LRRC17: variants seen among roughly 807,000 people sequenced by gnomAD.
The protein encoded by LRRC17 is leucine-rich repeat-containing protein 17.
In LRRC17, 33 loss-of-function variants were observed where a neutral mutation model predicts 41.5. That is an observed-to-expected ratio of 0.80 (90% CI 0.60 to 1.06). The LOEUF (loss-of-function observed/expected upper bound fraction) is 1.06, where lower values mean the gene tolerates loss of function less well. LRRC17 is among the 50% of genes least tolerant of loss of function. LRRC17 has a pLI of 0.00. For missense variants in LRRC17, 491 were observed against 519.3 expected, an observed-to-expected ratio of 0.95 and a Z score of 0.53; for synonymous variants, 192 against 197.0, an observed-to-expected ratio of 0.97 and a Z score of 0.21.
Position 102,944,877 on chromosome 7 carries a change from A to T in LRRC17, c.*270A>T, listed in dbSNP as rs1303261999. The T allele has an allele frequency of 1.5e-5, 5 of 338,714 alleles. No individual in the cohort carries two copies. Among genetic ancestry groups the T allele is most frequent in the Non-Finnish European group, 2.6e-5 (5 of 189,616 alleles). 21.0% of individuals were successfully genotyped at this position (338,714 alleles called of 1,614,324 possible). A position where few individuals can be genotyped will look rare whatever the true frequency, so the allele number is the denominator to read the frequency against. ...AGTTGGGTCCTAATGATGGCATTAGACTTTCATAATGTCCTGTATAAATGT... is the reference window on the plus strand; with the variant it reads ...AGTTGGGTCCTAATGATGGCATTAGTCTTTCATAATGTCCTGTATAAATGT... On this transcript the variant is annotated 3_prime_UTR_variant, in exon 4 of 4. Coordinates refer to ENST00000339431, the MANE Select transcript of LRRC17 (RefSeq NM_001031692.3).
chr7:102,913,239 G>T (rs746592945), intron 1 of LRRC17, 94 bp downstream of exon 1: 9 of 1,613,598 alleles, frequency 5.6e-6, no homozygotes, highest in Non-Finnish European at 7.6e-6. Context: ...AGAGAGGAAG[G>T]AAAGTATTAT....
chr7:102,934,630 A>C lies in LRRC17; in HGVS notation c.717A>C (p.Ser239=). 6.2e-7 allele frequency: 1 copy of C among 1,608,834 alleles called. No individual in the cohort carries two copies. Among genetic ancestry groups the C allele is most frequent in the Non-Finnish European group, 8.5e-7 (1 of 1,178,708 alleles). Residue 239 remains serine (S), a synonymous_variant, in exon 2 of 4, where the codon TCA becomes TCC. Transcript: ENST00000339431. ...CAGTCATCAAGCCTGAGGTGGACTC[A>C]ACTTTTTGCCACAATTATGTGTTTC... ...RPPVIKPEVD[S]TFCHNYVFPI...
intron 1 of LRRC17, among the ~76,000 whole-genome samples, chr7:102,915,322 G>T (rs1013067915): frequency 1.3e-5 from 2 of 151,872 alleles, no homozygotes; most frequent in African/African-American, 4.8e-5. Flanking sequence ...CATAGTAGAA[G>T]ATTTAAAACT....
intron 1 of LRRC17, among the ~76,000 whole-genome samples, chr7:102,925,631 G>T (rs1434595193): frequency 6.6e-6 from 1 of 152,126 alleles, no homozygotes; most frequent in South Asian, 2.1e-4. Context: ...TTGGTAATCA[G>T]GATGTTGGCA....
At chr7:102,930,455 G>T (rs1818954326) in intron 1 of LRRC17, among the ~76,000 whole-genome samples, 1 of 152,114 alleles carries the variant, frequency 6.6e-6, no homozygotes, top group African/African-American at 2.4e-5. Context: ...TATGCCTAAT[G>T]CCTCACCTTC....
At chr7:102,929,577 T>C (rs1175829479) in intron 1 of LRRC17, among the ~76,000 whole-genome samples, 1 of 143,642 alleles carries the variant, frequency 7.0e-6, no homozygotes, top group Non-Finnish European at 1.5e-5. Flanking sequence ...GGCAGGAGAA[T>C]CACTTGAACC....
chr7:102,929,663 C>CAAA (rs35025022), intron 1 of LRRC17, among the ~76,000 whole-genome samples: 162 of 91,162 alleles, frequency 1.8e-3, no homozygotes, highest in African/African-American at 6.3e-3. Context: ...GACTCCATCT[C>CAAA]AAAAAAAAAA....
chr7:102,917,408 C>T (rs751178136), intron 1 of LRRC17, among the ~76,000 whole-genome samples: 2 of 152,042 alleles, frequency 1.3e-5, no homozygotes, highest in Non-Finnish European at 2.9e-5. Flanking sequence ...CACTGTATGC[C>T]CAGAACACCT....
rs1039160302 is a variant in LRRC17, at chr7:102,945,045, CTTTT to C, written c.*442_*445del. The C allele has an allele frequency of 6.5e-6, 1 of 153,204 alleles. No individual in the cohort carries two copies. The highest frequency in any genetic ancestry group is 1.5e-5 in the Non-Finnish European group (1 of 68,768). 9.5% of individuals were successfully genotyped at this position (153,204 alleles called of 1,614,324 possible). On this transcript the variant is annotated 3_prime_UTR_variant, in exon 4 of 4. Transcript: ENST00000339431. ...TAAAATGTCATTCCCTACCCCTCTACTTTTTTTCAGTAAGTCATCTTATACATTA... is the reference window on the plus strand; with the variant it reads ...TAAAATGTCATTCCCTACCCCTCTACTTTCAGTAAGTCATCTTATACATTA...
At position 102,934,147 on chromosome 7, in the gene LRRC17, T is replaced by G. The variant is rs199874484; in HGVS notation, c.234T>G (p.Gly78=). The G allele has an allele frequency of 1.2e-6, 2 of 1,614,182 alleles. No individual in the cohort carries two copies. Among genetic ancestry groups the G allele is most frequent in the African/African-American group, 2.7e-5 (2 of 75,046 alleles). The change falls in exon 2 of 4, where the codon GGT becomes GGG. Residue 78 remains glycine (G), a synonymous_variant. Transcript: ENST00000339431. ...GAAAATTAGTTTATGTGCTGCCTGG[T>G]TGGCCTCAGGATTTGCTGCACATGC... ...QERKLVYVLP[G]WPQDLLHMLL...
At position 102,934,275 on chromosome 7, in the gene LRRC17, A is replaced by G. The variant is rs759606557; in HGVS notation, c.362A>G (p.Glu121Gly). The change falls in exon 2 of 4, where the codon GAG becomes GGG. Residue 121 changes from glutamate to glycine, a missense_variant. Glu to Gly is a moderately conservative substitution (Grantham distance 98). Transcript: ENST00000339431. ...DLQQNEISKIESEAFFGLNKL... is the reference protein window; with the variant it reads ...DLQQNEISKIGSEAFFGLNKL... Reference sequence around the variant, plus strand: ...CAGCAGAATGAGATCTCTAAAATTGAGAGTGAGGCGTTCTTTGGTTTAAAC... The same window carrying G: ...CAGCAGAATGAGATCTCTAAAATTGGGAGTGAGGCGTTCTTTGGTTTAAAC... 2.8e-5 allele frequency: 45 copies of G among 1,614,058 alleles called. No homozygotes were observed. In the South Asian group the frequency reaches 4.8e-4, roughly 17 times the overall value.
intron 1 of LRRC17, among the ~76,000 whole-genome samples, chr7:102,921,706 G>C (rs1817070455): frequency 6.6e-6 from 1 of 151,740 alleles, no homozygotes; most frequent in Non-Finnish European, 1.5e-5. Context: ...AAAAATAAAA[G>C]AAGCTCTGTT....
chr7:102,944,208 A>G lies in LRRC17; in HGVS notation c.929-2A>G. On this transcript the variant is annotated splice_acceptor_variant, in intron 3 of 3. Coordinates refer to ENST00000339431, the MANE Select transcript of LRRC17 (RefSeq NM_001031692.3). LOFTEE classifies it high-confidence loss of function. The stretch of plus-strand genomic sequence containing the variant: ...GGCTCAATAAATATTTTCTGTTTCC[A>G]GCCGCTTTTTTAGGGCTCACACATT... 2 of 1,596,354 alleles carry G rather than the reference A, an allele frequency of 1.3e-6. No homozygotes were observed. Among genetic ancestry groups the G allele is most frequent in the Middle Eastern group, 1.7e-4 (1 of 5,930 alleles).
chr7:102,934,425 T>G lies in LRRC17; in HGVS notation c.512T>G (p.Ile171Arg). 6.2e-7 allele frequency: 1 copy of G among 1,614,188 alleles called. No individual in the cohort carries two copies. Among genetic ancestry groups the G allele is most frequent in the Non-Finnish European group, 8.5e-7 (1 of 1,180,032 alleles). The change falls in exon 2 of 4, where the codon ATA becomes AGA. Residue 171 changes from isoleucine to arginine, a missense_variant. Coordinates refer to ENST00000339431, the MANE Select transcript of LRRC17 (RefSeq NM_001031692.3). ...YDNPWHCTCE[I>R]ETLISMLQIP... ...AACCCCTGGCACTGTACTTGTGAGATAGAAACGCTTATTTCAATGTTGCAG... is the reference window on the plus strand; with the variant it reads ...AACCCCTGGCACTGTACTTGTGAGAGAGAAACGCTTATTTCAATGTTGCAG...
chr7:102,925,940 CAAAAA>C (rs66682276), intron 1 of LRRC17, among the ~76,000 whole-genome samples: 1 of 101,030 alleles, frequency 9.9e-6, no homozygotes, highest in Non-Finnish European at 2.1e-5. Context: ...GACTCTGTCT[CAAAAA>C]AAAAAAAAAA....
chr7:102,926,391 G>A, intron 1 of LRRC17: 1 of 1,594,382 alleles, frequency 6.3e-7, no homozygotes, highest in Non-Finnish European at 8.6e-7. Context: ...GAAAAACAGA[G>A]GGAAGAGGCT....
chr7:102,940,732 C>G (rs1299861646), intron 3 of LRRC17, among the ~76,000 whole-genome samples: 1 of 152,158 alleles, frequency 6.6e-6, no homozygotes, highest in Non-Finnish European at 1.5e-5. Flanking sequence ...CTAAGCAAAG[C>G]CTCTGGCGAA....
In LRRC17 at chr7:102,934,209, A is replaced by G. The variant is rs745478174; in HGVS notation, c.296A>G (p.Asn99Ser). 12 of 1,614,140 alleles carry G rather than the reference A, an allele frequency of 7.4e-6. No individual in the cohort carries two copies. Among genetic ancestry groups the G allele is most frequent in the Non-Finnish European group, 1.0e-5 (12 of 1,180,056 alleles). ...AACAAGATCCGCACATTGAAGAACA[A>G]CATGTTTTCCAAGTTTAAAAAGCTG... ...ARNKIRTLKNNMFSKFKKLKS... is the reference protein window; with the variant it reads ...ARNKIRTLKNSMFSKFKKLKS... The change falls in exon 2 of 4, where the codon AAC (asparagine) becomes AGC (serine). Residue 99 changes from asparagine to serine, a missense_variant. Physicochemically the swap from Asn to Ser is conservative, Grantham distance 46. Transcript: ENST00000339431.
At chr7:102,937,414 TG>T (rs1343897277) in intron 2 of LRRC17, among the ~76,000 whole-genome samples, 1 of 145,882 alleles carries the variant, frequency 6.9e-6, no homozygotes. Flanking sequence ...GGCTGAGCCA[TG>T]AGAATCGCTT....
Sources: gnomAD v4.1 joint callset for allele counts (sites outside exome capture counted in the v4.1 genomes callset) on GRCh38, gnomAD v4.1.1 for gene constraint, MANE v1.5 for transcripts, NCBI Gene and HGNC (gene_info 2026-07-23, HGNC 2026-07-21) for gene names.